PPFIA3: variants seen among roughly 807,000 people sequenced by gnomAD.
PPFIA3 encodes liprin-alpha-3.
PPFIA3 carries 26 observed loss-of-function variants against 145.8 expected under a neutral mutation model. The observed-to-expected ratio is 0.18, with a 90% CI of 0.13 to 0.25. PPFIA3 has a LOEUF of 0.25. Among genes scored for constraint, PPFIA3 ranks in the 10% least tolerant of loss-of-function variants. The pLI, the probability that PPFIA3 is intolerant of heterozygous loss-of-function variation, is 1.00. For synonymous variants in PPFIA3, 645 were observed against 661.4 expected, an observed-to-expected ratio of 0.98 and a Z score of 0.38; for missense variants, 1,008 against 1,587.8, an observed-to-expected ratio of 0.63 and a Z score of 6.21.
rs2041274884 is a variant in PPFIA3, at chr19:49,145,966, A to G, written c.2769A>G (p.Thr923=). Residue 923 remains threonine, a synonymous_variant, in exon 22 of 30, where the codon ACA becomes ACG. Coordinates refer to ENST00000334186, the MANE Select transcript of PPFIA3 (RefSeq NM_003660.4). The stretch of plus-strand genomic sequence containing the variant: ...AGTCCACAGGAAACGTGTGGATGAC[A>G]CACGAGGAGATGGAGTCCCTTACGG... ...SRTSTGNVWM[T]HEEMESLTAT... is the part of the protein sequence containing the mutation. The G allele has an allele frequency of 1.2e-6, 2 of 1,613,952 alleles. No individual in the cohort carries two copies. The highest frequency in any genetic ancestry group is 1.7e-6 in the Non-Finnish European group (2 of 1,179,956).
chr19:49,146,503 A>G (rs1207398694), intron 23 of PPFIA3: 8 of 457,292 alleles, frequency 1.7e-5, no homozygotes, highest in African/African-American at 8.0e-5. Flanking sequence ...CGGTGTCCCT[A>G]TAGTGGAGGG....
intron 23 of PPFIA3, among the ~76,000 whole-genome samples, chr19:49,146,660 TGGCTCACG>T (rs1217448409): frequency 1.3e-5 from 2 of 152,160 alleles, no homozygotes; most frequent in Non-Finnish European, 2.9e-5. Context: ...CCGGGCGCAG[TGGCTCACG>T]CCTGTAATTC....
intron 15 of PPFIA3, 32 bp from the exon 16 acceptor site, chr19:49,138,173 C>G: frequency 2.0e-6 from 3 of 1,538,126 alleles, no homozygotes; most frequent in Non-Finnish European, 1.8e-6. Context: ...TGCTGCGGCC[C>G]CTCACCCAGT....
intron 14 of PPFIA3, 43 bp downstream of exon 14, chr19:49,135,966 C>G (rs545474656): frequency 6.6e-7 from 1 of 1,520,396 alleles, no homozygotes; most frequent in South Asian, 1.3e-5. Context: ...AGGGCTTGGG[C>G]GGGCAGCTGT....
Position 49,128,542 on chromosome 19 carries a change from A to G in PPFIA3, c.342+74A>G. 2 of 1,366,032 alleles carry G rather than the reference A, an allele frequency of 1.5e-6. No individual in the cohort carries two copies. The highest frequency in any genetic ancestry group is 2.1e-6 in the Non-Finnish European group (2 of 968,142). The allele number at this position is 1,366,032 out of a possible 1,614,324, so 84.6% of individuals were successfully genotyped here. On this transcript the variant is annotated intron_variant, in intron 3 of 29. Coordinates refer to ENST00000334186, the MANE Select transcript of PPFIA3 (RefSeq NM_003660.4). This position sits in a 1 kb window ranked among gnomAD's most constrained non-coding sequence, Gnocchi z 4.1. ...GTTGAAGTGGGGGGCGGGGCCTCTC[A>G]GTGTTGCAGCGTGACCTATTTTTTT...
rs1199244223 is a variant in PPFIA3 at position 49,149,412 on chromosome 19, T to G, written c.3354+87T>G. 1.9e-5 allele frequency: 30 copies of G among 1,588,654 alleles called. No individual in the cohort carries two copies. The highest frequency in any genetic ancestry group is 2.0e-5 in the Non-Finnish European group (23 of 1,158,278). On this transcript the variant is annotated intron_variant, in intron 27 of 29. Coordinates refer to ENST00000334186, the MANE Select transcript of PPFIA3 (RefSeq NM_003660.4). The surrounding 1 kb of genome is among the most constrained non-coding windows in gnomAD (Gnocchi z 5.7). ...GGGGGCGGGGCCTGACTATTAATGGTCACGGTTGGAGGCGGGGCCAGGAGA... is the reference window on the plus strand; with the variant it reads ...GGGGGCGGGGCCTGACTATTAATGGGCACGGTTGGAGGCGGGGCCAGGAGA...
intron 21 of PPFIA3, among the ~76,000 whole-genome samples, 196 bp downstream of exon 21, chr19:49,143,200 G>GCCA (rs1568440717): frequency 6.6e-6 from 1 of 152,094 alleles, no homozygotes; most frequent in African/African-American, 2.4e-5. Context: ...AGGGGCCCAG[G>GCCA]CCACCTCCTT....
Position 49,134,626 on chromosome 19 carries a change from T to C in PPFIA3, c.1378-13T>C, listed in dbSNP as rs768116061. On this transcript the variant is annotated splice_polypyrimidine_tract_variant and intron_variant, in intron 11 of 29. Coordinates refer to ENST00000334186, the MANE Select transcript of PPFIA3 (RefSeq NM_003660.4). ...TCAGGCCTCACTCCCTCACTTCACC[T>C]CTGTCTCCACAGAACTCCCTGAGCG... 15 of 1,613,058 alleles carry C rather than the reference T, an allele frequency of 9.3e-6. No individual in the cohort carries two copies. The highest frequency in any genetic ancestry group is 1.3e-5 in the Non-Finnish European group (15 of 1,179,566).
In PPFIA3 at chr19:49,120,300, C is replaced by T. The variant is rs567684411; in HGVS notation, c.-16+578C>T. On this transcript the variant is annotated intron_variant, in intron 1 of 29. Coordinates refer to ENST00000334186, the MANE Select transcript of PPFIA3 (RefSeq NM_003660.4). This position sits in a 1 kb window ranked among gnomAD's most constrained non-coding sequence, Gnocchi z 4.6. ...GGGATCCCCCCGCCGCGCCTTTGAC[C>T]CGGGAATACCCGGGCCCTCCCCGAC... Among the ~76,000 whole-genome samples the T allele has an allele frequency of 3.3e-5, 5 of 152,226 alleles. No individual in the cohort carries two copies. In the South Asian group the frequency reaches 6.2e-4, roughly 19 times the overall value.
intron 15 of PPFIA3, 67 bp from the exon 16 acceptor site, chr19:49,138,138 C>T (rs937777150): frequency 1.4e-6 from 2 of 1,462,586 alleles, no homozygotes; most frequent in Non-Finnish European, 1.8e-6. Context: ...GCCCATTGTG[C>T]TCCCAGATTC....
At position 49,135,032 on chromosome 19, in the gene PPFIA3, G is replaced by GTTT. The variant is rs34021245; in HGVS notation, c.1520+121_1520+123dup. On this transcript the variant is annotated intron_variant, in intron 13 of 29. Transcript: ENST00000334186. ...TGAGACTTCTGACCCCTCTGTTTTT[G>GTTT]TTTTTTGTTTGTTTGTTTGTTTGTT... 2,639 of 662,652 alleles carry GTTT rather than the reference G, an allele frequency of 4.0e-3. 33 individuals are homozygous for GTTT. Among genetic ancestry groups the GTTT allele is most frequent in the Middle Eastern group, 8.6e-3 (20 of 2,318 alleles). The allele number at this position is 662,652 out of a possible 1,614,324, so 41.0% of individuals were successfully genotyped here.
intron 13 of PPFIA3, among the ~76,000 whole-genome samples, chr19:49,135,539 AT>A (rs969672396): frequency 1.3e-5 from 2 of 151,472 alleles, no homozygotes; most frequent in African/African-American, 4.9e-5. Context: ...CATCCAGCTA[AT>A]TTTTTTTATT....
chr19:49,142,194 C>T, intron 20 of PPFIA3, 79 bp downstream of exon 20: 1 of 1,313,676 alleles, frequency 7.6e-7, no homozygotes, highest in Non-Finnish European at 1.1e-6. Flanking sequence ...GCCTGGTCCT[C>T]CTGGCGCACC....
Position 49,130,451 on chromosome 19 carries a change from G to A in PPFIA3, c.731G>A (p.Arg244Gln), listed in dbSNP as rs1435446625. ...GCAGAGCTGGAGGAGGCCCTGGAGC[G>A]GCAGCGCGCCGAGGTGTGCCAGCTG... ...RTAELEEALE[R>Q]QRAEVCQLRE... The change falls in exon 7 of 30, where the codon CGG becomes CAG. Residue 244 changes from arginine (R) to glutamine (Q), a missense_variant. Transcript: ENST00000334186. The surrounding 1 kb of genome is among the most constrained non-coding windows in gnomAD (Gnocchi z 4.5). 1 of 1,609,636 alleles carries A rather than the reference G, an allele frequency of 6.2e-7. No individual in the cohort carries two copies. The highest frequency in any genetic ancestry group is 8.5e-7 in the Non-Finnish European group (1 of 1,178,500).
rs777563171 is a variant in PPFIA3 at position 49,133,993 on chromosome 19, C to T, written c.1246-41C>T. The stretch of plus-strand genomic sequence containing the variant: ...CTTAGAGGAAGGGCCGTGGTCTGGG[C>T]AGGGTGGGCTTAACAACCCGCCCCG... On this transcript the variant is annotated intron_variant, in intron 10 of 29. Transcript: ENST00000334186. This position sits in a 1 kb window ranked among gnomAD's most constrained non-coding sequence, Gnocchi z 7.2. 1 of 1,605,290 alleles carries T rather than the reference C, an allele frequency of 6.2e-7. No homozygotes were observed. The highest frequency in any genetic ancestry group is 2.2e-5 in the East Asian group (1 of 44,788).
In PPFIA3 at chr19:49,130,248, C is replaced by G. The variant is rs898756893; in HGVS notation, c.658-130C>G. 5.2e-6 allele frequency: 6 copies of G among 1,149,160 alleles called. No homozygotes were observed. The highest frequency in any genetic ancestry group is 7.3e-6 in the Non-Finnish European group (6 of 819,006). 71.2% of individuals were successfully genotyped at this position (1,149,160 alleles called of 1,614,324 possible). On this transcript the variant is annotated intron_variant, in intron 6 of 29. Coordinates refer to ENST00000334186, the MANE Select transcript of PPFIA3 (RefSeq NM_003660.4). This position sits in a 1 kb window ranked among gnomAD's most constrained non-coding sequence, Gnocchi z 4.5. ...ACTTCTGTGACCTCCTTCACTGACC[C>G]CCGTGGACTCTGACCAGCATGATCC...
chr19:49,139,937 T>C, intron 17 of PPFIA3, 24 bp from the exon 18 acceptor site: 1 of 1,613,978 alleles, frequency 6.2e-7, no homozygotes, highest in Non-Finnish European at 8.5e-7. Flanking sequence ...AAGCATATGC[T>C]CTCATTCTCT....
At chr19:49,138,055 C>A in intron 15 of PPFIA3, 150 bp from the exon 16 acceptor site, 1 of 1,302,478 alleles carries the variant, frequency 7.7e-7, no homozygotes, top group Non-Finnish European at 1.0e-6. Context: ...GGAAGGCCTT[C>A]AGAAACCCAC....
In PPFIA3 at chr19:49,150,584, G is replaced by C. The variant is rs1217192667; in HGVS notation, c.*362G>C. ...CCCTCCCGGGCCGCATGCGGGGAGA[G>C]GCTGCTCCCTCCCCTTTTTCCTGCC... On this transcript the variant is annotated 3_prime_UTR_variant, in exon 30 of 30. Transcript: ENST00000334186. 6.4e-6 allele frequency: 1 copy of C among 156,438 alleles called. No homozygotes were observed. The highest frequency in any genetic ancestry group is 6.4e-5 in the Admixed American group (1 of 15,536). 9.7% of individuals were successfully genotyped at this position (156,438 alleles called of 1,614,324 possible).
Sources: allele counts gnomAD v4.1 joint callset (sites outside exome capture counted in the v4.1 genomes callset), GRCh38; gene constraint gnomAD v4.1.1; non-coding constraint Gnocchi (gnomAD v3.1); transcripts MANE v1.5; gene names NCBI Gene and HGNC (gene_info 2026-07-23, HGNC 2026-07-21).